The following ERGIC1 variants were observed in gnomAD, a reference collection of about 807,000 sequenced individuals.
ERGIC1 encodes endoplasmic reticulum-golgi intermediate compartment 1.
Under a neutral mutation model 38.3 loss-of-function variants are expected in ERGIC1, and 19 were observed. The observed-to-expected ratio is 0.50, with a 90% CI of 0.35 to 0.73. The LOEUF (loss-of-function observed/expected upper bound fraction) is 0.73. Ranked by LOEUF, ERGIC1 falls within the 30% of genes least tolerant of loss-of-function variation. The pLI, the probability that ERGIC1 is intolerant of heterozygous loss-of-function variation, is 0.01. For missense variants in ERGIC1, 294 were observed against 389.2 expected (o/e 0.76, Z 2.06); for synonymous variants, 124 against 157.6 (o/e 0.79, Z 1.60).
intron 5 of ERGIC1, among the ~76,000 whole-genome samples, chr5:172,920,194 C>A (rs1561736547): frequency 2.0e-5 from 3 of 152,132 alleles, no homozygotes; most frequent in African/African-American, 4.8e-5. Context: ...TAGAGACCGT[C>A]CCCCACCCCA....
At chr5:172,915,135 C>G (rs1341591001) in intron 5 of ERGIC1, 1 of 673,480 alleles carries the variant, frequency 1.5e-6, no homozygotes, top group African/African-American at 1.8e-5. Context: ...GGGTTCAAGT[C>G]CCAGCTCTAC....
At chr5:172,947,824 G>A (rs986130987) in intron 9 of ERGIC1, among the ~76,000 whole-genome samples, 3 of 152,126 alleles carry the variant, frequency 2.0e-5, no homozygotes, top group Non-Finnish European at 4.4e-5. Context: ...AGGTGTCTGT[G>A]AGTCATAAGC....
intron 1 of ERGIC1, among the ~76,000 whole-genome samples, chr5:172,841,714 C>T (rs1037424640): frequency 1.3e-5 from 2 of 152,184 alleles, no homozygotes; most frequent in African/African-American, 2.4e-5. Context: ...AAGTAATGCT[C>T]ATCTTATTAG....
intron 1 of ERGIC1, among the ~76,000 whole-genome samples, chr5:172,874,788 G>T (rs1282774900): frequency 6.6e-6 from 1 of 152,018 alleles, no homozygotes; most frequent in Non-Finnish European, 1.5e-5. Context: ...TTAGCCAGGT[G>T]CAGTGGTGTG....
At chr5:172,893,920 T>TATACATACACAC (rs1561721908) in intron 2 of ERGIC1, among the ~76,000 whole-genome samples, 1 of 85,582 alleles carries the variant, frequency 1.2e-5, no homozygotes, top group African/African-American at 4.5e-5. Flanking sequence ...TGTGTGTGTG[T>TATACATACACAC]GTGTGTGTGT....
intron 1 of ERGIC1, among the ~76,000 whole-genome samples, chr5:172,876,535 G>C (rs1035079934): frequency 3.9e-5 from 6 of 152,142 alleles, no homozygotes; most frequent in Non-Finnish European, 8.8e-5. Context: ...TTAATGTATG[G>C]GATGTATTTC....
chr5:172,844,333 G>T (rs1382226608), intron 1 of ERGIC1, among the ~76,000 whole-genome samples: 1 of 152,196 alleles, frequency 6.6e-6, no homozygotes, highest in Non-Finnish European at 1.5e-5. Context: ...ATGCAGCTCT[G>T]TTGCTTACTG....
Position 172,952,629 on chromosome 5 carries a change from T to C in ERGIC1, c.*1813T>C, listed in dbSNP as rs1764258385. On this transcript the variant is annotated 3_prime_UTR_variant, in exon 10 of 10. Transcript: ENST00000393784. ...AAAATCTGAAGGGAAAAAAATGTTT[T>C]AGTTCTTTCCCCACTCGTTGGGTTC... is the stretch of plus-strand genomic sequence containing the variant. 6.6e-6 allele frequency: 1 copy of C among 152,146 alleles called. No homozygotes were observed. The highest frequency in any genetic ancestry group is 6.5e-5 in the Admixed American group (1 of 15,270). 9.4% of individuals were successfully genotyped at this position (152,146 alleles called of 1,614,324 possible).
Position 172,852,300 on chromosome 5 carries a change from G to A in ERGIC1, c.20+17867G>A, listed in dbSNP as rs763188875. On this transcript the variant is annotated intron_variant, in intron 1 of 9. Transcript: ENST00000393784. The stretch of plus-strand genomic sequence containing the variant: ...AAACGCAGGCAGGGTCTGCCCAGGT[G>A]CCCTCTGTGGGCTTGTTAGCCTGCA... 7.9e-5 allele frequency among the ~76,000 whole-genome samples: 12 copies of A among 152,350 alleles called. No homozygotes were observed. The Middle Eastern group carries it at 0.017, about 216-fold the overall frequency.
At chr5:172,871,061 C>T (rs1729473537) in intron 1 of ERGIC1, among the ~76,000 whole-genome samples, 1 of 152,212 alleles carries the variant, frequency 6.6e-6, no homozygotes, top group Non-Finnish European at 1.5e-5. Context: ...CAGTGTGGGC[C>T]GTGCTGTTGT....
chr5:172,909,168 C>CTTTTTTTTT (rs70984920), intron 3 of ERGIC1, among the ~76,000 whole-genome samples: 1,149 of 80,780 alleles, frequency 0.014, 133 homozygotes, highest in African/African-American at 0.046. Context: ...GCCCTCCCCT[C>CTTTTTTTTT]TTTTTTTTTT....
chr5:172,926,685 G>A lies in ERGIC1; in HGVS notation c.541+116G>A. On this transcript the variant is annotated intron_variant, in intron 7 of 9. Coordinates refer to ENST00000393784, the MANE Select transcript of ERGIC1 (RefSeq NM_001031711.3). This position sits in a 1 kb window ranked among gnomAD's most constrained non-coding sequence, Gnocchi z 5.2. ...CCAGCACCCACTCCAAGGCAGGGAG[G>A]CTGCTGCTCACACTCCATTCCCACA... The A allele has an allele frequency of 8.6e-7, 1 of 1,163,834 alleles. No homozygotes were observed. Among genetic ancestry groups the A allele is most frequent in the African/African-American group, 1.5e-5 (1 of 66,336 alleles). 72.1% of individuals were successfully genotyped at this position (1,163,834 alleles called of 1,614,324 possible). A position where few individuals can be genotyped will look rare whatever the true frequency, so the allele number is the denominator to read the frequency against.
intron 5 of ERGIC1, among the ~76,000 whole-genome samples, chr5:172,919,343 C>A (rs1350590165): frequency 6.6e-6 from 1 of 152,222 alleles, no homozygotes; most frequent in Admixed American, 6.5e-5. Context: ...GAGATGCAAC[C>A]ACCTGGGCTG....
chr5:172,909,909 A>G (rs1763164812), intron 4 of ERGIC1, 148 bp downstream of exon 4: 2 of 714,136 alleles, frequency 2.8e-6, no homozygotes, highest in Admixed American at 4.3e-5. Flanking sequence ...TTGCGTATGC[A>G]TGCACTTGGA....
Position 172,884,244 on chromosome 5 carries a change from G to GTTT in ERGIC1, c.21-4431_21-4429dup, listed in dbSNP as rs71579704. Among the ~76,000 whole-genome samples the GTTT allele has an allele frequency of 5.9e-3, 530 of 90,538 alleles. 41 individuals are homozygous for GTTT. Among genetic ancestry groups the GTTT allele is most frequent in the African/African-American group, 0.011 (269 of 23,786 alleles). 59.4% of individuals were successfully genotyped at this position (90,538 alleles called of 152,430 possible). On this transcript the variant is annotated intron_variant, in intron 1 of 9. Coordinates refer to ENST00000393784, the MANE Select transcript of ERGIC1 (RefSeq NM_001031711.3). ...ATTCTTCGGCCAGTGGGAACCCCAA[G>GTTT]TTTTTTTTTTTTTTTTTTTTTTTTT... is the stretch of plus-strand genomic sequence containing the variant.
chr5:172,933,483 G>A (rs1385743297), intron 8 of ERGIC1: 1 of 152,198 alleles, frequency 6.6e-6, no homozygotes. Context: ...AAGTGGCTGA[G>A]TGGGGATTAG....
chr5:172,877,653 T>G (rs576740124), intron 1 of ERGIC1, among the ~76,000 whole-genome samples: 1 of 151,992 alleles, frequency 6.6e-6, no homozygotes, highest in South Asian at 2.1e-4. Context: ...TCCTGGAGAT[T>G]CCCCTGTGAC....
At chr5:172,942,027 C>G (rs951752440) in intron 9 of ERGIC1, among the ~76,000 whole-genome samples, 1 of 152,026 alleles carries the variant, frequency 6.6e-6, no homozygotes, top group South Asian at 2.1e-4. Context: ...ATGGTGAAAC[C>G]CCGTCTCTAC....
chr5:172,880,975 G>A lies in ERGIC1; in HGVS notation c.21-7724G>A, dbSNP rs143849846. On this transcript the variant is annotated intron_variant, in intron 1 of 9. Transcript: ENST00000393784. Reference sequence around the variant, plus strand: ...TTAAAAAGTGAAAATGTGGCTGGACGCGGTGGCTCACGCCTGTAATCCCAG... The same window carrying A: ...TTAAAAAGTGAAAATGTGGCTGGACACGGTGGCTCACGCCTGTAATCCCAG... Among the ~76,000 whole-genome samples the A allele has an allele frequency of 2.2e-3, 340 of 152,324 alleles. 2 individuals are homozygous for A. Among genetic ancestry groups the A allele is most frequent in the African/African-American group, 7.9e-3 (327 of 41,582 alleles).
Sources: gnomAD v4.1 joint callset for allele counts (sites outside exome capture counted in the v4.1 genomes callset) on GRCh38, gnomAD v4.1.1 for gene constraint, Gnocchi (gnomAD v3.1) non-coding constraint, MANE v1.5 for transcripts, NCBI Gene and HGNC (gene_info 2026-07-23, HGNC 2026-07-21) for gene names.